The following EGFR variants were observed in gnomAD, a reference collection of about 807,000 sequenced individuals.
EGFR encodes epidermal growth factor receptor, also known as avian erythroblastic leukemia viral (v-erb-b) oncogene homolog.
Under a neutral mutation model 143.0 loss-of-function variants are expected in EGFR, and 58 were observed. The ratio of observed to expected loss-of-function variants is 0.41; its 90% CI spans 0.33 to 0.50. EGFR has a LOEUF of 0.50. Among genes scored for constraint, EGFR ranks in the 20% least tolerant of loss-of-function variants. The pLI is 0.39. For synonymous variants in EGFR, 613 were observed against 594.4 expected, an observed-to-expected ratio of 1.03 and a Z score of -0.45; for missense variants, 1,307 against 1,579.0, an observed-to-expected ratio of 0.83 and a Z score of 2.92.
intron 15 of EGFR, among the ~76,000 whole-genome samples, chr7:55,167,745 A>T (rs1786138774): frequency 6.6e-6 from 1 of 152,170 alleles, no homozygotes; most frequent in Non-Finnish European, 1.5e-5. Flanking sequence ...AGTGACGGTG[A>T]TTGAGACATG....
At chr7:55,177,517 A>G (rs1192625992) in intron 19 of EGFR, among the ~76,000 whole-genome samples, 2 of 152,206 alleles carry the variant, frequency 1.3e-5, no homozygotes, top group African/African-American at 4.8e-5. Flanking sequence ...TTAGTGAATG[A>G]GTAAAGTTCT....
At chr7:55,133,326 A>AGGCTG (rs1271359905) in intron 1 of EGFR, among the ~76,000 whole-genome samples, 3 of 152,178 alleles carry the variant, frequency 2.0e-5, no homozygotes, top group African/African-American at 7.2e-5. Flanking sequence ...GGGGTGGTGG[A>AGGCTG]GGCTGGGCTG....
intron 5 of EGFR, among the ~76,000 whole-genome samples, chr7:55,151,746 C>T (rs1343558512): frequency 1.3e-5 from 2 of 152,084 alleles, no homozygotes; most frequent in Admixed American, 6.5e-5. Context: ...TGGTGGCGGG[C>T]GCCTGTAGTC....
At chr7:55,174,955 T>C (rs1423798075) in intron 19 of EGFR, 135 bp downstream of exon 19, 4 of 736,096 alleles carry the variant, frequency 5.4e-6, no homozygotes, top group Non-Finnish European at 9.6e-6. Flanking sequence ...TGTCTTTCCC[T>C]TTCTAGCTCT....
chr7:55,036,964 A>C (rs1787619972), intron 1 of EGFR, among the ~76,000 whole-genome samples: 2 of 152,158 alleles, frequency 1.3e-5, no homozygotes, highest in African/African-American at 4.8e-5. Context: ...TCAGAGCAAC[A>C]TAGGGAGGGG....
At chr7:55,057,110 A>T (rs1416950977) in intron 1 of EGFR, among the ~76,000 whole-genome samples, 1 of 152,236 alleles carries the variant, frequency 6.6e-6, no homozygotes, top group Non-Finnish European at 1.5e-5. Flanking sequence ...AGGGAAGTAG[A>T]TTGACCCTCC....
intron 1 of EGFR, among the ~76,000 whole-genome samples, chr7:55,096,027 G>A (rs1274178247): frequency 6.6e-6 from 1 of 151,838 alleles, no homozygotes; most frequent in Non-Finnish European, 1.5e-5. Flanking sequence ...GTGCAGATAA[G>A]GTAATATTAG....
intron 20 of EGFR, chr7:55,182,251 T>G (rs1359870039): frequency 6.5e-6 from 1 of 152,684 alleles, no homozygotes; most frequent in Non-Finnish European, 1.5e-5. Flanking sequence ...TTAAAGGATT[T>G]GCAGGCAGGC....
chr7:55,090,444 A>G (rs941129920), intron 1 of EGFR, among the ~76,000 whole-genome samples: 1 of 152,202 alleles, frequency 6.6e-6, no homozygotes. Context: ...TTGCTGCCAC[A>G]TGAATCTTCT....
intron 24 of EGFR, 108 bp from the exon 25 acceptor site, chr7:55,201,080 T>C (rs1285170471): frequency 5.1e-6 from 7 of 1,383,174 alleles, no homozygotes; most frequent in East Asian, 2.3e-5. Flanking sequence ...TATAACAAAA[T>C]TGGCAAACAC....
rs1347756110 is a variant in EGFR, at chr7:55,147,750, C to G, written c.559+1010C>G. Among the ~76,000 whole-genome samples, 5 of 152,350 alleles carry G rather than the reference C, an allele frequency of 3.3e-5. No individual in the cohort carries two copies. In the East Asian group the frequency reaches 7.7e-4, roughly 23 times the overall value. ...ACTCTTTTATCTTGCAAAGCTGAAA[C>G]TCTACCCATTAGACAGTAACTCTCT... is the stretch of plus-strand genomic sequence containing the variant. On this transcript the variant is annotated intron_variant, in intron 4 of 27. Coordinates refer to ENST00000275493, the MANE Select transcript of EGFR (RefSeq NM_005228.5).
At chr7:55,177,402 G>A (rs991164248) in intron 19 of EGFR, among the ~76,000 whole-genome samples, 2 of 152,188 alleles carry the variant, frequency 1.3e-5, no homozygotes, top group African/African-American at 4.8e-5. Context: ...TCACATGCAC[G>A]CATGCACGGC....
At chr7:55,056,741 A>G (rs1416211475) in intron 1 of EGFR, among the ~76,000 whole-genome samples, 1 of 152,254 alleles carries the variant, frequency 6.6e-6, no homozygotes, top group Non-Finnish European at 1.5e-5. Context: ...GAAAAACGCC[A>G]GTTGCGTAAG....
chr7:55,100,047 GT>G (rs760982778), intron 1 of EGFR, among the ~76,000 whole-genome samples: 3 of 152,192 alleles, frequency 2.0e-5, no homozygotes, highest in Non-Finnish European at 4.4e-5. Flanking sequence ...CGCCAGTCTT[GT>G]CAGAGATGTC....
At chr7:55,086,262 C>T (rs1214761250) in intron 1 of EGFR, among the ~76,000 whole-genome samples, 1 of 152,204 alleles carries the variant, frequency 6.6e-6, no homozygotes, top group Admixed American at 6.5e-5. Flanking sequence ...TCATCCACTA[C>T]ACTGTCAGCT....
rs1196184317 is a variant in EGFR, at chr7:55,198,710, C to T, written c.2702-7C>T. ...CACTGCCTTCTTTTCTTGCTTCATCCTCTCAGGGGTGACTGTTTGGGAGTT... is the reference window on the plus strand; with the variant it reads ...CACTGCCTTCTTTTCTTGCTTCATCTTCTCAGGGGTGACTGTTTGGGAGTT... On this transcript the variant is annotated splice_region_variant and splice_polypyrimidine_tract_variant and intron_variant, in intron 22 of 27. Transcript: ENST00000275493. 6 of 1,614,212 alleles carry T rather than the reference C, an allele frequency of 3.7e-6. No individual in the cohort carries two copies. The highest frequency in any genetic ancestry group is 5.1e-6 in the Non-Finnish European group (6 of 1,180,030).
intron 2 of EGFR, 137 bp from the exon 3 acceptor site, chr7:55,143,168 A>G (rs1372358922): frequency 2.5e-6 from 2 of 811,902 alleles, no homozygotes; most frequent in Non-Finnish European, 4.1e-6. Context: ...GCAATCGTCT[A>G]CCTATTTTAC....
At chr7:55,189,183 C>T (rs1010130138) in intron 20 of EGFR, among the ~76,000 whole-genome samples, 1 of 152,088 alleles carries the variant, frequency 6.6e-6, no homozygotes, top group African/African-American at 2.4e-5. Flanking sequence ...AAACCCCAAG[C>T]AGCCTCTGGC....
chr7:55,047,542 G>T (rs532942412), intron 1 of EGFR, among the ~76,000 whole-genome samples: 1 of 152,342 alleles, frequency 6.6e-6, no homozygotes, highest in Admixed American at 6.5e-5. Flanking sequence ...CTGAGGTCAA[G>T]AGTTGGAGAC....
Sources: gnomAD v4.1 joint callset for allele counts (sites outside exome capture counted in the v4.1 genomes callset) on GRCh38, gnomAD v4.1.1 for gene constraint, MANE v1.5 for transcripts, NCBI Gene and HGNC (gene_info 2026-07-23, HGNC 2026-07-21) for gene names.